Variants in RAPGEF6 observed in about 807,000 individuals in gnomAD.
RAPGEF6 encodes Rap guanine nucleotide exchange factor 6.
Under a neutral mutation model 171.4 loss-of-function variants are expected in RAPGEF6, and 56 were observed. The observed-to-expected ratio is 0.33, with a 90% CI of 0.26 to 0.41. The LOEUF (loss-of-function observed/expected upper bound fraction) is 0.41. RAPGEF6 is among the 10% of genes least tolerant of loss of function. The pLI, the probability that RAPGEF6 is intolerant of heterozygous loss-of-function variation, is 1.00. For synonymous variants in RAPGEF6, 692 were observed against 650.1 expected, an observed-to-expected ratio of 1.06 and a Z score of -0.98; for missense variants, 1,674 against 1,921.4, an observed-to-expected ratio of 0.87 and a Z score of 2.41.
At chr5:131,619,532 C>T (rs1765484567) in intron 1 of RAPGEF6, among the ~76,000 whole-genome samples, 1 of 152,124 alleles carries the variant, frequency 6.6e-6, no homozygotes, top group Non-Finnish European at 1.5e-5. Flanking sequence ...TATGCTTAAA[C>T]TTTAGGACTT....
Position 131,632,075 on chromosome 5 carries a change from CAAAAAAAAAA to C in RAPGEF6, c.69+2877_69+2886del, listed in dbSNP as rs529399752. On this transcript the variant is annotated intron_variant, in intron 1 of 27. Coordinates refer to ENST00000509018, the MANE Select transcript of RAPGEF6 (RefSeq NM_016340.6). Reference sequence around the variant, plus strand: ...TGGGTGACAGAGCAAGACTCTGTCTCAAAAAAAAAAAAAAAAAAAAAGGTTAAGTAGGTCA... The same window carrying C: ...TGGGTGACAGAGCAAGACTCTGTCTCAAAAAAAAAAAGGTTAAGTAGGTCA... Among the ~76,000 whole-genome samples, 6 of 63,740 alleles carry C rather than the reference CAAAAAAAAAA, an allele frequency of 9.4e-5. No homozygotes were observed. In the East Asian group the frequency reaches 2.5e-3, roughly 26 times the overall value. 41.8% of individuals were successfully genotyped at this position (63,740 alleles called of 152,430 possible).
chr5:131,544,660 T>C lies in RAPGEF6; in HGVS notation c.495+3387A>G, dbSNP rs187849609. On this transcript the variant is annotated intron_variant, in intron 6 of 27. Coordinates refer to ENST00000509018, the MANE Select transcript of RAPGEF6 (RefSeq NM_016340.6). Reference sequence around the variant, plus strand: ...AAGGTTTATTATACATATGTCAAAATTGATCAAAATCAAAATTTCATTTAA... The same window carrying C: ...AAGGTTTATTATACATATGTCAAAACTGATCAAAATCAAAATTTCATTTAA... Among the ~76,000 whole-genome samples, 692 of 152,298 alleles carry C rather than the reference T, an allele frequency of 4.5e-3. 6 individuals carry two copies. Among genetic ancestry groups the C allele is most frequent in the Non-Finnish European group, 5.4e-3 (366 of 68,030 alleles).
chr5:131,593,026 T>A (rs1161060382), intron 3 of RAPGEF6, among the ~76,000 whole-genome samples: 1 of 152,210 alleles, frequency 6.6e-6, no homozygotes, highest in Non-Finnish European at 1.5e-5. Flanking sequence ...CTATTTCAAG[T>A]AGTAAATGAA....
intron 3 of RAPGEF6, among the ~76,000 whole-genome samples, chr5:131,598,304 G>A (rs984634696): frequency 8.6e-5 from 13 of 152,042 alleles, no homozygotes; most frequent in Admixed American, 7.2e-4. Flanking sequence ...AAAAAAGGAC[G>A]GGAAGATGGA....
At chr5:131,570,018 C>T (rs538045094) in intron 4 of RAPGEF6, among the ~76,000 whole-genome samples, 106 of 110,880 alleles carry the variant, frequency 9.6e-4, no homozygotes, top group African/African-American at 3.5e-3. Context: ...CTCCAACCTG[C>T]GGAGCAGAGC....
At chr5:131,479,225 T>C (rs1755306299) in intron 16 of RAPGEF6, among the ~76,000 whole-genome samples, 1 of 150,388 alleles carries the variant, frequency 6.6e-6, no homozygotes, top group Non-Finnish European at 1.5e-5. Context: ...TTTGTAGAGA[T>C]CAGGAGACTA....
At chr5:131,467,184 T>A (rs1026997407) in intron 17 of RAPGEF6, among the ~76,000 whole-genome samples, 9 of 152,230 alleles carry the variant, frequency 5.9e-5, no homozygotes. Context: ...TAACATCTTC[T>A]GGGAAGGAGC....
intron 16 of RAPGEF6, 133 bp downstream of exon 16, chr5:131,479,380 A>C (rs2149856115): frequency 1.2e-6 from 1 of 857,758 alleles, no homozygotes; most frequent in East Asian, 2.6e-5. Flanking sequence ...TTCTTATTTG[A>C]GTACTGTTTG....
In RAPGEF6 at chr5:131,521,354, A is replaced by T. The variant is rs760188181; in HGVS notation, c.627+36T>A. ...CACAGAATATCTGGCAAATAAAAAA[A>T]CCATATACGCAGCATACAAATTCCT... is the stretch of plus-strand genomic sequence containing the variant. On this transcript the variant is annotated intron_variant, in intron 7 of 27. Transcript: ENST00000509018. 1.3e-5 allele frequency: 20 copies of T among 1,523,062 alleles called. No homozygotes were observed. The Admixed American group carries it at 4.3e-4, about 33-fold the overall frequency. 94.3% of individuals were successfully genotyped at this position (1,523,062 alleles called of 1,614,324 possible).
chr5:131,465,058 T>C (rs2149838593), intron 17 of RAPGEF6, among the ~76,000 whole-genome samples: 1 of 152,344 alleles, frequency 6.6e-6, no homozygotes, highest in East Asian at 1.9e-4. Context: ...AACCATTATG[T>C]CTTTTTAAAA....
intron 6 of RAPGEF6, among the ~76,000 whole-genome samples, chr5:131,545,980 T>C (rs979201982): frequency 6.6e-6 from 1 of 152,216 alleles, no homozygotes; most frequent in Non-Finnish European, 1.5e-5. Context: ...TATTGCTCTT[T>C]CTGATCCCAG....
intron 16 of RAPGEF6, 68 bp from the exon 17 acceptor site, chr5:131,472,812 C>T: frequency 7.3e-7 from 1 of 1,377,472 alleles, no homozygotes; most frequent in Admixed American, 1.9e-5. Context: ...GTTTCTGTTC[C>T]CTGTGCACTA....
At chr5:131,512,163 C>G (rs1001673766) in intron 7 of RAPGEF6, among the ~76,000 whole-genome samples, 2 of 152,064 alleles carry the variant, frequency 1.3e-5, no homozygotes, top group African/African-American at 4.8e-5. Flanking sequence ...AAAGAAAGAG[C>G]ACAGCATGTG....
intron 4 of RAPGEF6, among the ~76,000 whole-genome samples, chr5:131,588,465 A>G (rs1351791953): frequency 6.6e-6 from 1 of 152,056 alleles, no homozygotes; most frequent in Non-Finnish European, 1.5e-5. Context: ...GGTGGCTCAC[A>G]CTGTAGGGTG....
intron 5 of RAPGEF6, among the ~76,000 whole-genome samples, chr5:131,554,958 C>T (rs1761139180): frequency 1.3e-5 from 2 of 151,790 alleles, no homozygotes; most frequent in African/African-American, 4.8e-5. Flanking sequence ...GGGGAAAAAA[C>T]AAGAACAAAT....
At chr5:131,524,907 T>C (rs1758778244) in intron 6 of RAPGEF6, among the ~76,000 whole-genome samples, 1 of 152,174 alleles carries the variant, frequency 6.6e-6, no homozygotes, top group Non-Finnish European at 1.5e-5. Flanking sequence ...TAAGCCACCT[T>C]GCCTGGCCAA....
At chr5:131,609,291 A>C (rs1161817054) in intron 1 of RAPGEF6, among the ~76,000 whole-genome samples, 2 of 152,218 alleles carry the variant, frequency 1.3e-5, no homozygotes, top group African/African-American at 4.8e-5. Context: ...CAGTGGCCCA[A>C]GGTGAAAATA....
chr5:131,524,677 G>GC (rs910929698), intron 6 of RAPGEF6, among the ~76,000 whole-genome samples: 2 of 151,786 alleles, frequency 1.3e-5, no homozygotes, highest in Non-Finnish European at 2.9e-5. Context: ...GTGCAGCGGC[G>GC]CAATCTCGGC....
chr5:131,485,427 C>T (rs1755821158), intron 15 of RAPGEF6, among the ~76,000 whole-genome samples: 1 of 152,146 alleles, frequency 6.6e-6, no homozygotes, highest in Non-Finnish European at 1.5e-5. Context: ...TGAGCACTTG[C>T]ATGAAAACTA....
Sources: gnomAD v4.1 joint callset for allele counts (sites outside exome capture counted in the v4.1 genomes callset) on GRCh38, gnomAD v4.1.1 for gene constraint, MANE v1.5 for transcripts, NCBI Gene and HGNC (gene_info 2026-07-23, HGNC 2026-07-21) for gene names.